LRP1B: variants seen among roughly 807,000 people sequenced by gnomAD.
LRP1B encodes LDL receptor related protein 1B, also known as low-density lipoprotein receptor-related protein 1B.
In LRP1B, 217 loss-of-function variants were observed where a neutral mutation model predicts 556.6. The ratio of observed to expected loss-of-function variants is 0.39; its 90% CI spans 0.35 to 0.44. The LOEUF (loss-of-function observed/expected upper bound fraction) is 0.44. Among genes scored for constraint, LRP1B ranks in the 20% least tolerant of loss-of-function variants. The probability of loss-of-function intolerance (pLI) is 1.00; values close to 1 mark genes in which losing one functional copy is unlikely to be tolerated. For synonymous variants in LRP1B, 2,047 were observed against 1,865.8 expected (o/e 1.10, Z -2.50); for missense variants, 5,053 against 5,620.8 (o/e 0.90, Z 3.23).
chr2:141,717,935 T>C (rs917355293), intron 2 of LRP1B, among the ~76,000 whole-genome samples: 2 of 152,160 alleles, frequency 1.3e-5, no homozygotes, highest in Admixed American at 6.5e-5. Context: ...GTAGAGAAGA[T>C]GAAAATAAGA....
Position 140,908,147 on chromosome 2 carries a change from T to C in LRP1B, c.3320-70A>G, listed in dbSNP as rs567906506. ...TCATTATGATAATGAGTGGCCATTA[T>C]TGTCTTCAGTCACAGGCAGAATTAC... On this transcript the variant is annotated intron_variant, in intron 21 of 90. Coordinates refer to ENST00000389484, the MANE Select transcript of LRP1B (RefSeq NM_018557.3). 297 of 1,196,126 alleles carry C rather than the reference T, an allele frequency of 2.5e-4. 1 individual carries two copies. Among genetic ancestry groups the C allele is most frequent in the South Asian group, 1.9e-3 (145 of 77,644 alleles). 74.1% of individuals were successfully genotyped at this position (1,196,126 alleles called of 1,614,324 possible). A position where few individuals can be genotyped will look rare whatever the true frequency, so the allele number is the denominator to read the frequency against.
Position 140,494,650 on chromosome 2 carries a change from A to G in LRP1B, c.9034+915T>C, listed in dbSNP as rs148283157. 3.3e-3 allele frequency among the ~76,000 whole-genome samples: 499 copies of G among 151,880 alleles called. 8 individuals are homozygous for G. The highest frequency in any genetic ancestry group is 0.011 in the African/African-American group (465 of 41,426). On this transcript the variant is annotated intron_variant, in intron 56 of 90. Transcript: ENST00000389484. ...AAAAATTGTCTCCAAATAATCCTCAAATTGATTCAGGGAAGGAAGATAAGT... is the reference window on the plus strand; with the variant it reads ...AAAAATTGTCTCCAAATAATCCTCAGATTGATTCAGGGAAGGAAGATAAGT...
In LRP1B at chr2:141,183,343, A is replaced by G. The variant is rs530815373; in HGVS notation, c.1013+5078T>C. Among the ~76,000 whole-genome samples the G allele has an allele frequency of 3.5e-4, 54 of 152,128 alleles. 1 individual carries two copies. Among genetic ancestry groups the G allele is most frequent in the African/African-American group, 1.2e-3 (50 of 41,546 alleles). On this transcript the variant is annotated intron_variant, in intron 7 of 90. Coordinates refer to ENST00000389484, the MANE Select transcript of LRP1B (RefSeq NM_018557.3). ...TTTGCTATCTTCCCAACTTCACATA[A>G]CAACCCAGATTAGAATTTCATTAGT...
intron 66 of LRP1B, among the ~76,000 whole-genome samples, chr2:140,398,822 G>T (rs75845853): frequency 1.3e-5 from 2 of 152,040 alleles, no homozygotes; most frequent in African/African-American, 2.4e-5. Flanking sequence ...TTCCCTATAG[G>T]TTCATCTCCT....
intron 3 of LRP1B, among the ~76,000 whole-genome samples, chr2:141,415,522 T>G (rs1691066272): frequency 6.6e-6 from 1 of 152,206 alleles, no homozygotes. Context: ...AATGGTGGTA[T>G]TAATAACAAT....
At chr2:141,725,363 T>C (rs1690345828) in intron 2 of LRP1B, among the ~76,000 whole-genome samples, 1 of 151,916 alleles carries the variant, frequency 6.6e-6, no homozygotes, top group African/African-American at 2.4e-5. Flanking sequence ...CAATAATTTG[T>C]CCAAGTAGTA....
intron 7 of LRP1B, among the ~76,000 whole-genome samples, chr2:141,146,975 G>T (rs1489046284): frequency 6.6e-6 from 1 of 152,142 alleles, no homozygotes; most frequent in Non-Finnish European, 1.5e-5. Flanking sequence ...GATCCCTGTG[G>T]ATTACACACC....
At chr2:140,274,379 T>C (rs372365687) in intron 85 of LRP1B, 45 bp downstream of exon 85, 6 of 1,530,442 alleles carry the variant, frequency 3.9e-6, no homozygotes, top group African/African-American at 2.7e-5. Flanking sequence ...GCAATGTCCA[T>C]TGGTGTCCAA....
At chr2:141,641,038 C>T (rs1258541811) in intron 2 of LRP1B, among the ~76,000 whole-genome samples, 3 of 152,100 alleles carry the variant, frequency 2.0e-5, no homozygotes, top group Admixed American at 6.6e-5. Flanking sequence ...ACTCAATATC[C>T]ATTGAGAGAA....
intron 83 of LRP1B, among the ~76,000 whole-genome samples, chr2:140,301,070 T>C (rs1683799922): frequency 6.6e-6 from 1 of 152,128 alleles, no homozygotes; most frequent in African/African-American, 2.4e-5. Context: ...TTTACTTTTA[T>C]GGTAGTGATG....
intron 11 of LRP1B, among the ~76,000 whole-genome samples, chr2:141,035,873 C>T (rs1040847866): frequency 5.9e-5 from 9 of 152,038 alleles, no homozygotes; most frequent in East Asian, 3.9e-4. Flanking sequence ...CATATATTCA[C>T]GGAAGTGCTC....
intron 6 of LRP1B, among the ~76,000 whole-genome samples, chr2:141,223,907 T>C (rs1363821857): frequency 6.6e-6 from 1 of 152,110 alleles, no homozygotes; most frequent in Non-Finnish European, 1.5e-5. Context: ...GATTTAAATG[T>C]AAAACTCAAA....
chr2:140,627,228 G>A (rs559941915), intron 41 of LRP1B, among the ~76,000 whole-genome samples: 1 of 152,162 alleles, frequency 6.6e-6, no homozygotes, highest in African/African-American at 2.4e-5. Flanking sequence ...TGGATTGAAG[G>A]ATGCAAGTTA....
chr2:142,014,779 C>A (rs1429015370), intron 1 of LRP1B, among the ~76,000 whole-genome samples: 1 of 151,954 alleles, frequency 6.6e-6, no homozygotes, highest in Non-Finnish European at 1.5e-5. Flanking sequence ...GGGCAGAAAG[C>A]AGGGATGGCA....
At chr2:141,128,000 A>AT (rs1378564933) in intron 7 of LRP1B, among the ~76,000 whole-genome samples, 1 of 152,124 alleles carries the variant, frequency 6.6e-6, no homozygotes, top group South Asian at 2.1e-4. Flanking sequence ...ATTATTTATT[A>AT]TTTTTTAGAG....
intron 6 of LRP1B, among the ~76,000 whole-genome samples, chr2:141,206,110 T>C (rs751145453): frequency 6.8e-6 from 1 of 146,272 alleles, no homozygotes; most frequent in African/African-American, 2.6e-5. Context: ...TGAATAAAAA[T>C]AATGTGAGGA....
chr2:140,814,369 C>T (rs17516630), intron 31 of LRP1B, among the ~76,000 whole-genome samples: 75,682 of 151,878 alleles, frequency 0.5, 19,487 homozygotes, highest in East Asian at 0.75. Flanking sequence ...TCTGTGCCAC[C>T]AAGAAATGAC....
intron 2 of LRP1B, among the ~76,000 whole-genome samples, chr2:141,780,179 A>G (rs193169255): frequency 2.0e-5 from 3 of 152,062 alleles, no homozygotes; most frequent in African/African-American, 7.2e-5. Context: ...AATATAAAAA[A>G]AAGAAGAATG....
chr2:140,843,785 G>A (rs902648155), intron 29 of LRP1B, among the ~76,000 whole-genome samples: 1 of 152,026 alleles, frequency 6.6e-6, no homozygotes, highest in Non-Finnish European at 1.5e-5. Context: ...ACCGTACCTG[G>A]TCAATCTCTT....
Sources: allele counts gnomAD v4.1 joint callset (sites outside exome capture counted in the v4.1 genomes callset), GRCh38; gene constraint gnomAD v4.1.1; transcripts MANE v1.5; gene names NCBI Gene and HGNC (gene_info 2026-07-23, HGNC 2026-07-21).